Variants in CAST observed in about 807,000 individuals in gnomAD.
CAST encodes the protein calpastatin.
A neutral mutation model predicts 119.6 loss-of-function variants in CAST; 76 were observed. The observed-to-expected ratio is 0.64, with a 90% CI of 0.53 to 0.77. The LOEUF (loss-of-function observed/expected upper bound fraction) is 0.77, where lower values mean the gene tolerates loss of function less well. Ranked by LOEUF, CAST falls within the 30% of genes least tolerant of loss-of-function variation. CAST has a pLI of 0.00. For missense variants in CAST, 953 were observed against 946.5 expected, an observed-to-expected ratio of 1.01 and a Z score of -0.09; for synonymous variants, 319 against 331.6, an observed-to-expected ratio of 0.96 and a Z score of 0.41.
At chr5:96,097,588 T>TTTCTG in the CAST span, among the ~76,000 whole-genome samples, 1 of 152,218 alleles carries the variant, frequency 6.6e-6, no homozygotes, top group Non-Finnish European at 1.5e-5. Flanking sequence ...GGTATTTGGT[T>TTTCTG]TTCTGTTCCT....
chr5:96,402,151 G>A, the CAST span, among the ~76,000 whole-genome samples: 41 of 152,184 alleles, frequency 2.7e-4, no homozygotes, highest in African/African-American at 9.9e-4. Context: ...AATCCCCTGT[G>A]ACAAGAAAGA....
the CAST span, chr5:96,410,756 T>C: frequency 1.3e-6 from 2 of 1,598,778 alleles, no homozygotes; most frequent in East Asian, 2.2e-5. Flanking sequence ...CAGAGAGAAT[T>C]AGACAAAAGC....
intron 2 of CAST, among the ~76,000 whole-genome samples, chr5:96,682,124 G>T (rs1751500720): frequency 6.6e-6 from 1 of 152,134 alleles, no homozygotes; most frequent in Non-Finnish European, 1.5e-5. Flanking sequence ...TGAATACAGG[G>T]CTCAGTACTA....
intron 1 of CAST, among the ~76,000 whole-genome samples, chr5:96,573,729 T>C (rs1321424488): frequency 6.6e-6 from 1 of 152,186 alleles, no homozygotes; most frequent in East Asian, 1.9e-4. Flanking sequence ...GCAAACAAGA[T>C]AGAGAATATT....
chr5:96,003,082 A>G, the CAST span, among the ~76,000 whole-genome samples: 2 of 152,110 alleles, frequency 1.3e-5, no homozygotes, highest in Non-Finnish European at 2.9e-5. Flanking sequence ...AACACAAAAT[A>G]AAAATAAGTT....
chr5:96,134,406 A>T, the CAST span, among the ~76,000 whole-genome samples: 2 of 152,228 alleles, frequency 1.3e-5, no homozygotes, highest in African/African-American at 2.4e-5. Context: ...GCTTTACTGA[A>T]TAACTGGCAC....
At chr5:96,035,679 G>A in the CAST span, among the ~76,000 whole-genome samples, 1 of 151,790 alleles carries the variant, frequency 6.6e-6, no homozygotes, top group African/African-American at 2.4e-5. Flanking sequence ...AAAATAAAAG[G>A]GAATGTTGAG....
chr5:96,325,794 A>C, the CAST span, among the ~76,000 whole-genome samples: 1 of 152,142 alleles, frequency 6.6e-6, no homozygotes, highest in Non-Finnish European at 1.5e-5. Context: ...ATCTCTTAGA[A>C]AGAAGCAATA....
At chr5:96,248,173 ATTG>A in the CAST span, among the ~76,000 whole-genome samples, 1 of 152,066 alleles carries the variant, frequency 6.6e-6, no homozygotes, top group African/African-American at 2.4e-5. Flanking sequence ...TACAAATCTT[ATTG>A]TTCTTTCTCT....
At chr5:96,099,109 A>G in the CAST span, among the ~76,000 whole-genome samples, 2 of 152,124 alleles carry the variant, frequency 1.3e-5, no homozygotes, top group Non-Finnish European at 2.9e-5. Flanking sequence ...TTAGTTCCTG[A>G]TTTGGCTCTT....
At chr5:96,164,885 A>G in the CAST span, among the ~76,000 whole-genome samples, 268 of 152,232 alleles carry the variant, frequency 1.8e-3, 1 homozygote, top group Middle Eastern at 3.4e-3. Context: ...GGTACTGGCA[A>G]TGATTCTGGA....
At chr5:96,379,141 C>T in the CAST span, among the ~76,000 whole-genome samples, 2 of 152,072 alleles carry the variant, frequency 1.3e-5, no homozygotes, top group Admixed American at 1.3e-4. Flanking sequence ...TCTTTATGAG[C>T]TTTTGATACC....
the CAST span, among the ~76,000 whole-genome samples, chr5:96,116,274 C>T: frequency 6.6e-6 from 1 of 151,938 alleles, no homozygotes; most frequent in African/African-American, 2.4e-5. Context: ...TTGTTTTGAT[C>T]AGTAGTTTTT....
chr5:96,087,985 A>G, the CAST span, among the ~76,000 whole-genome samples: 4 of 152,204 alleles, frequency 2.6e-5, no homozygotes, highest in Admixed American at 1.3e-4. Context: ...AGAGGCAAAC[A>G]ACTCCCAACA....
the CAST span, among the ~76,000 whole-genome samples, chr5:96,125,443 G>A: frequency 1.1e-4 from 17 of 152,234 alleles, no homozygotes; most frequent in African/African-American, 4.1e-4. Flanking sequence ...CGGATAGTGA[G>A]GCATTGGATC....
the CAST span, among the ~76,000 whole-genome samples, chr5:96,202,720 G>C: frequency 6.6e-6 from 1 of 152,028 alleles, no homozygotes; most frequent in Non-Finnish European, 1.5e-5. Context: ...TTAACCAAAA[G>C]TTTTACTCAT....
the CAST span, among the ~76,000 whole-genome samples, chr5:95,982,336 G>A: frequency 6.6e-6 from 1 of 150,896 alleles, no homozygotes; most frequent in Non-Finnish European, 1.5e-5. Flanking sequence ...TGTGTGTGTA[G>A]TTATATGCAA....
At chr5:96,004,003 A>G in the CAST span, among the ~76,000 whole-genome samples, 5 of 152,232 alleles carry the variant, frequency 3.3e-5, no homozygotes, top group Admixed American at 3.3e-4. Context: ...AGTAAGAAGA[A>G]GGGGTGGCAT....
the CAST span, among the ~76,000 whole-genome samples, chr5:96,366,885 T>C: frequency 6.6e-6 from 1 of 152,178 alleles, no homozygotes; most frequent in African/African-American, 2.4e-5. Context: ...CTGCATTCCT[T>C]TGGAGGGGGA....
Sources: gnomAD v4.1 joint callset for allele counts (sites outside exome capture counted in the v4.1 genomes callset) on GRCh38, gnomAD v4.1.1 for gene constraint, MANE v1.5 for transcripts, NCBI Gene and HGNC (gene_info 2026-07-23, HGNC 2026-07-21) for gene names.